Variants in HHAT observed in about 807,000 individuals in gnomAD.
HHAT encodes the protein hedgehog acyltransferase.
A neutral mutation model predicts 70.8 loss-of-function variants in HHAT; 47 were observed. The ratio of observed to expected loss-of-function variants is 0.66; its 90% CI spans 0.53 to 0.85. The LOEUF is 0.85. Among genes scored for constraint, HHAT ranks in the 40% least tolerant of loss-of-function variants. The pLI, the probability that HHAT is intolerant of heterozygous loss-of-function variation, is 0.00. For synonymous variants in HHAT, 228 were observed against 247.6 expected, an observed-to-expected ratio of 0.92 and a Z score of 0.74; for missense variants, 609 against 604.8, an observed-to-expected ratio of 1.01 and a Z score of -0.07.
At chr1:210,519,525 T>A (rs868269362) in intron 9 of HHAT, among the ~76,000 whole-genome samples, 55 of 120,078 alleles carry the variant, frequency 4.6e-4, no homozygotes, top group Middle Eastern at 8.8e-3. Flanking sequence ...CAATTTTCTT[T>A]GCTTTTTTTT....
chr1:210,374,095 T>TAAGCC (rs1553332407), intron 3 of HHAT: 1 of 151,946 alleles, frequency 6.6e-6, no homozygotes, highest in African/African-American at 2.4e-5. Context: ...ATGAATCACT[T>TAAGCC]AAGCCTAAAG....
intron 8 of HHAT, among the ~76,000 whole-genome samples, chr1:210,490,028 A>G (rs917749370): frequency 6.6e-6 from 1 of 152,258 alleles, no homozygotes; most frequent in Non-Finnish European, 1.5e-5. Context: ...CAAAGAATTT[A>G]GTGAGCCCAT....
At chr1:210,608,897 A>C (rs1666040352) in intron 10 of HHAT, among the ~76,000 whole-genome samples, 1 of 152,132 alleles carries the variant, frequency 6.6e-6, no homozygotes. Flanking sequence ...AGGCCTCAGG[A>C]AACTTACAAT....
At chr1:210,571,183 T>C (rs1283071674) in intron 9 of HHAT, among the ~76,000 whole-genome samples, 1 of 152,212 alleles carries the variant, frequency 6.6e-6, no homozygotes, top group African/African-American at 2.4e-5. Flanking sequence ...ATGAACCAGA[T>C]ACATAGCATC....
At chr1:210,365,186 TC>T (rs1370728799) in intron 3 of HHAT, among the ~76,000 whole-genome samples, 1 of 151,934 alleles carries the variant, frequency 6.6e-6, no homozygotes, top group Admixed American at 6.6e-5. Flanking sequence ...CAAATTCTAA[TC>T]AAAAGAAGAT....
intron 10 of HHAT, among the ~76,000 whole-genome samples, chr1:210,604,104 T>A (rs1664851099): frequency 6.6e-6 from 1 of 152,168 alleles, no homozygotes; most frequent in Non-Finnish European, 1.5e-5. Flanking sequence ...TTTGTTTTGT[T>A]TTGAGACAGA....
At chr1:210,588,887 A>T (rs1286305845) in intron 10 of HHAT, 1 of 152,238 alleles carries the variant, frequency 6.6e-6, no homozygotes, top group Non-Finnish European at 1.5e-5. Context: ...TTTAAGAAGC[A>T]GTTCAACTTT....
chr1:210,331,938 G>A (rs1031037904), intron 1 of HHAT, among the ~76,000 whole-genome samples: 5 of 152,120 alleles, frequency 3.3e-5, no homozygotes, highest in African/African-American at 9.7e-5. Flanking sequence ...CTCAAACTCC[G>A]GCCAGTGATC....
At chr1:210,591,714 A>T (rs894853020) in intron 10 of HHAT, among the ~76,000 whole-genome samples, 3 of 151,748 alleles carry the variant, frequency 2.0e-5, no homozygotes, top group African/African-American at 7.2e-5. Flanking sequence ...CCAGCTTTTT[A>T]GGTAAAAGCC....
At chr1:210,611,865 T>G (rs1214336285) in intron 10 of HHAT, among the ~76,000 whole-genome samples, 1 of 152,142 alleles carries the variant, frequency 6.6e-6, no homozygotes, top group Admixed American at 6.5e-5. Context: ...CCAACTTGAT[T>G]GTGGTGCATA....
Position 210,328,944 on chromosome 1 carries a change from T to TGCTCC in HHAT, c.-203_-199dup, listed in dbSNP as rs2147888869. 1 of 1,154,456 alleles carries TGCTCC rather than the reference T, an allele frequency of 8.7e-7. No homozygotes were observed. The highest frequency in any genetic ancestry group is 1.1e-6 in the Non-Finnish European group (1 of 900,310). The allele number at this position is 1,154,456 out of a possible 1,614,324, so 71.5% of individuals were successfully genotyped here. A position where few individuals can be genotyped will look rare whatever the true frequency, so the allele number is the denominator to read the frequency against. ...CGTGCTCGGAGGACGCGCGCTGCGC[T>TGCTCC]GCTCCTCCAAAGGGCAGCTCCGGGG... is the stretch of plus-strand genomic sequence containing the variant. On this transcript the variant is annotated 5_prime_UTR_variant, in exon 1 of 12. Coordinates refer to ENST00000261458, the MANE Select transcript of HHAT (RefSeq NM_018194.6).
intron 7 of HHAT, among the ~76,000 whole-genome samples, chr1:210,448,874 G>A (rs1184254714): frequency 6.6e-6 from 1 of 152,166 alleles, no homozygotes; most frequent in Non-Finnish European, 1.5e-5. Flanking sequence ...CCTAGATGGA[G>A]CGGGGCTCAG....
intron 9 of HHAT, among the ~76,000 whole-genome samples, chr1:210,530,967 G>A (rs2095308838): frequency 6.6e-6 from 1 of 152,154 alleles, no homozygotes; most frequent in South Asian, 2.1e-4. Context: ...TTAACAACAA[G>A]GATACATTCT....
intron 10 of HHAT, among the ~76,000 whole-genome samples, chr1:210,592,541 T>G (rs548711359): frequency 6.9e-4 from 81 of 117,590 alleles, no homozygotes; most frequent in African/African-American, 2.2e-3. Context: ...ATATAAGTTT[T>G]AGGATTTTTT....
At chr1:210,367,523 A>G (rs2089119222) in intron 3 of HHAT, among the ~76,000 whole-genome samples, 1 of 152,132 alleles carries the variant, frequency 6.6e-6, no homozygotes, top group African/African-American at 2.4e-5. Flanking sequence ...AGCTCCAGAG[A>G]ATGAGTAGGA....
At chr1:210,507,303 C>T (rs1487064578) in intron 8 of HHAT, among the ~76,000 whole-genome samples, 4 of 151,606 alleles carry the variant, frequency 2.6e-5, no homozygotes, top group Non-Finnish European at 4.4e-5. Flanking sequence ...ACTGTAGCTC[C>T]TTAAGGTGCT....
chr1:210,576,875 T>G (rs535238411), intron 9 of HHAT, among the ~76,000 whole-genome samples: 1 of 152,340 alleles, frequency 6.6e-6, no homozygotes, highest in South Asian at 2.1e-4. Context: ...GTTTTCAATG[T>G]ACAAATCTTT....
intron 11 of HHAT, among the ~76,000 whole-genome samples, chr1:210,633,159 G>T (rs1558318207): frequency 6.6e-6 from 1 of 152,228 alleles, no homozygotes; most frequent in Non-Finnish European, 1.5e-5. Flanking sequence ...TGTGGAGTAT[G>T]AAGTTGGGGT....
At chr1:210,531,679 C>T (rs2095316207) in intron 9 of HHAT, among the ~76,000 whole-genome samples, 1 of 152,156 alleles carries the variant, frequency 6.6e-6, no homozygotes, top group Non-Finnish European at 1.5e-5. Flanking sequence ...GTCCATCAGT[C>T]CACAATACCA....
Sources: gnomAD v4.1 joint callset for allele counts (sites outside exome capture counted in the v4.1 genomes callset) on GRCh38, gnomAD v4.1.1 for gene constraint, MANE v1.5 for transcripts, NCBI Gene and HGNC (gene_info 2026-07-23, HGNC 2026-07-21) for gene names.